ATL1: variants seen among roughly 807,000 people sequenced by gnomAD.
ATL1 encodes the protein atlastin-1.
A neutral mutation model predicts 75.5 loss-of-function variants in ATL1; 31 were observed. The ratio of observed to expected loss-of-function variants is 0.41; its 90% CI spans 0.31 to 0.55. The LOEUF is 0.55. Among genes scored for constraint, ATL1 ranks in the 20% least tolerant of loss-of-function variants. The pLI is 0.27. For missense variants in ATL1, 405 were observed against 662.6 expected (o/e 0.61, Z 4.27); for synonymous variants, 226 against 233.3 (o/e 0.97, Z 0.28).
At chr14:50,592,933 T>A (rs868586280) in intron 4 of ATL1, among the ~76,000 whole-genome samples, 1,842 of 125,246 alleles carry the variant, frequency 0.015, 33 homozygotes, top group African/African-American at 0.063. Context: ...AAAAAAAATA[T>A]ATATATATAT....
Position 50,613,093 on chromosome 14 carries a change from G to A in ATL1, c.631-166G>A, listed in dbSNP as rs3015448. Among the ~76,000 whole-genome samples, 1,259 of 152,100 alleles carry A rather than the reference G, an allele frequency of 8.3e-3. 26 individuals carry two copies. Among genetic ancestry groups the A allele is most frequent in the African/African-American group, 0.028 (1,179 of 41,484 alleles). ...GGAAATATGTAGGATGATCTCATAG[G>A]GGAGAGACTGCCCAGACACTTTCAA... On this transcript the variant is annotated intron_variant, in intron 6 of 13. Transcript: ENST00000358385.
rs1041302168 is a variant in ATL1, at chr14:50,545,910, A to G, written c.-140+12543A>G. Among the ~76,000 whole-genome samples, 4 of 152,130 alleles carry G rather than the reference A, an allele frequency of 2.6e-5. No individual in the cohort carries two copies. In the East Asian group the frequency reaches 7.7e-4, roughly 29 times the overall value. ...ACAGCAAGAAAAATCCAGAGCTCAA[A>G]TGTTTCACCTTCAGCTATAGTTCAT... On this transcript the variant is annotated intron_variant, in intron 1 of 13. Coordinates refer to the ATL1 transcript ENST00000441560.
At chr14:50,583,341 A>G (rs1328567086) in intron 1 of ATL1, among the ~76,000 whole-genome samples, 1 of 152,206 alleles carries the variant, frequency 6.6e-6, no homozygotes, top group African/African-American at 2.4e-5. Flanking sequence ...TATCTACATA[A>G]ATTTTACAGG....
At position 50,553,651 on chromosome 14, in the gene ATL1, C is replaced by G. The variant is rs141696025; in HGVS notation, c.-139-6476C>G. On this transcript the variant is annotated intron_variant, in intron 1 of 13. Transcript: ENST00000441560. ...ATTATGTGAAAAAGATGAATGCACA[C>G]GCATGTTTGTAGCAGCACAATTCAC... Among the ~76,000 whole-genome samples, 625 of 152,256 alleles carry G rather than the reference C, an allele frequency of 4.1e-3. 3 individuals carry two copies. Among genetic ancestry groups the G allele is most frequent in the African/African-American group, 0.014 (578 of 41,540 alleles).
At chr14:50,556,676 C>T (rs1413397459), upstream of ATL1, among the ~76,000 whole-genome samples, 2 of 152,172 alleles carry the variant, frequency 1.3e-5, no homozygotes, top group African/African-American at 4.8e-5. Context: ...CCCTAAGCAA[C>T]AATTAATCTA....
chr14:50,627,836 C>G (rs1003492764), intron 11 of ATL1, among the ~76,000 whole-genome samples, 195 bp from the exon 12 acceptor site: 4 of 152,104 alleles, frequency 2.6e-5, no homozygotes, highest in African/African-American at 9.7e-5. Flanking sequence ...TTTTAAGCCA[C>G]CTATAAAATA....
intron 1 of ATL1, among the ~76,000 whole-genome samples, chr14:50,581,034 C>CT (rs955390520): frequency 6.6e-6 from 1 of 151,480 alleles, no homozygotes; most frequent in African/African-American, 2.4e-5. Context: ...TCTATAGTAT[C>CT]TTTTTTTATA....
upstream of ATL1, among the ~76,000 whole-genome samples, chr14:50,556,997 T>C (rs189685845): frequency 1.8e-4 from 27 of 152,340 alleles, no homozygotes; most frequent in East Asian, 4.8e-3. Context: ...GTAATTTCTT[T>C]AGGGTGTATA....
intron 1 of ATL1, among the ~76,000 whole-genome samples, chr14:50,581,102 A>T (rs1268978791): frequency 6.6e-6 from 1 of 151,784 alleles, no homozygotes; most frequent in South Asian, 2.1e-4. Context: ...GTCTTATATT[A>T]TTAAGTTAAT....
At chr14:50,612,074 T>C (rs1240047150) in intron 6 of ATL1, among the ~76,000 whole-genome samples, 1 of 152,198 alleles carries the variant, frequency 6.6e-6, no homozygotes, top group East Asian at 1.9e-4. Flanking sequence ...GTAATGACTA[T>C]GAATTATGAA....
intron 6 of ATL1, among the ~76,000 whole-genome samples, chr14:50,606,261 A>T (rs971380123): frequency 6.6e-6 from 1 of 151,922 alleles, no homozygotes. Context: ...GTTTATTCTT[A>T]CATGTCCAAA....
chr14:50,615,523 A>G (rs892741691), intron 8 of ATL1, among the ~76,000 whole-genome samples: 2 of 152,218 alleles, frequency 1.3e-5, no homozygotes, highest in African/African-American at 4.8e-5. Context: ...AGTTAGTACC[A>G]TAAATACAAT....
chr14:50,615,240 T>C (rs1479413478), intron 8 of ATL1, among the ~76,000 whole-genome samples: 1 of 152,208 alleles, frequency 6.6e-6, no homozygotes, highest in Admixed American at 6.5e-5. Context: ...AAGACATGAC[T>C]TTTTAACTTG....
intron 1 of ATL1, among the ~76,000 whole-genome samples, chr14:50,574,202 T>C (rs1338325229): frequency 1.3e-5 from 2 of 152,248 alleles, no homozygotes; most frequent in African/African-American, 4.8e-5. Flanking sequence ...TGTTAGCTAC[T>C]GTCCACAAAT....
chr14:50,567,253 A>C (rs1362127164), intron 1 of ATL1, among the ~76,000 whole-genome samples: 2 of 152,190 alleles, frequency 1.3e-5, no homozygotes, highest in Non-Finnish European at 2.9e-5. Flanking sequence ...TCACATAGCA[A>C]AATGTCCTCA....
intron 13 of ATL1, 106 bp downstream of exon 13, chr14:50,630,115 A>G (rs1027716083): frequency 5.3e-6 from 4 of 751,700 alleles, no homozygotes; most frequent in African/African-American, 3.6e-5. Context: ...AGATTAGAAC[A>G]ATCTTTGGTG....
intron 6 of ATL1, 111 bp from the exon 7 acceptor site, chr14:50,613,148 A>G: frequency 1.2e-6 from 1 of 838,260 alleles, no homozygotes. Flanking sequence ...TAATTCAGCA[A>G]TGTGGGAAAG....
intron 13 of ATL1, 83 bp downstream of exon 13, chr14:50,630,092 G>C: frequency 9.5e-7 from 1 of 1,055,670 alleles, no homozygotes; most frequent in Non-Finnish European, 1.4e-6. Context: ...GCCATTAAAA[G>C]ATGTCTTTAT....
intron 4 of ATL1, 43 bp downstream of exon 4, chr14:50,591,682 A>G (rs1040998169): frequency 2.2e-6 from 3 of 1,347,576 alleles, no homozygotes; most frequent in African/African-American, 2.9e-5. Context: ...TTAACTAAAA[A>G]TTATGAGTAT....
Sources: allele counts gnomAD v4.1 joint callset (sites outside exome capture counted in the v4.1 genomes callset), GRCh38; gene constraint gnomAD v4.1.1; transcripts MANE v1.5; gene names NCBI Gene and HGNC (gene_info 2026-07-23, HGNC 2026-07-21).